Variants in CNTNAP2 observed in about 807,000 individuals in gnomAD.
CNTNAP2 encodes contactin-associated protein-like 2.
A neutral mutation model predicts 155.2 loss-of-function variants in CNTNAP2; 98 were observed. The ratio of observed to expected loss-of-function variants is 0.63; its 90% CI spans 0.54 to 0.75. The LOEUF is 0.75. Ranked by LOEUF, CNTNAP2 falls within the 30% of genes least tolerant of loss-of-function variation. The pLI, the probability that CNTNAP2 is intolerant of heterozygous loss-of-function variation, is 0.00. For missense variants in CNTNAP2, 1,727 were observed against 1,688.1 expected, an observed-to-expected ratio of 1.02 and a Z score of -0.40; for synonymous variants, 651 against 631.2, an observed-to-expected ratio of 1.03 and a Z score of -0.47.
At chr7:146,767,476 G>A (rs1802217563) in intron 1 of CNTNAP2, among the ~76,000 whole-genome samples, 1 of 152,056 alleles carries the variant, frequency 6.6e-6, no homozygotes, top group Admixed American at 6.6e-5. Context: ...AGTAATAATA[G>A]CAATGACTTC....
At chr7:147,146,094 T>G (rs533544132) in intron 8 of CNTNAP2, among the ~76,000 whole-genome samples, 2 of 152,338 alleles carry the variant, frequency 1.3e-5, no homozygotes, top group Admixed American at 1.3e-4. Context: ...ACATAACAGA[T>G]TGCCAATATT....
chr7:148,257,228 G>A (rs1385416297), intron 20 of CNTNAP2, among the ~76,000 whole-genome samples: 1 of 152,102 alleles, frequency 6.6e-6, no homozygotes, highest in African/African-American at 2.4e-5. Context: ...CTCCCAAAGA[G>A]GCAAAGGCTC....
intron 3 of CNTNAP2, among the ~76,000 whole-genome samples, chr7:147,035,819 CATAAA>C (rs1374562045): frequency 1.3e-5 from 2 of 151,686 alleles, no homozygotes; most frequent in Non-Finnish European, 2.9e-5. Context: ...TTATTCTCAT[CATAAA>C]ATAATTTGTG....
intron 7 of CNTNAP2, 68 bp from the exon 8 acceptor site, chr7:147,132,177 T>C: frequency 6.3e-7 from 1 of 1,590,290 alleles, no homozygotes; most frequent in Admixed American, 1.7e-5. Context: ...TATACTTTCA[T>C]CAGTGGTCTG....
At chr7:146,864,990 T>TAA (rs55646482) in intron 3 of CNTNAP2, among the ~76,000 whole-genome samples, 28,638 of 83,610 alleles carry the variant, frequency 0.34, 4,601 homozygotes, top group Admixed American at 0.38. Flanking sequence ...AGAGTCTATC[T>TAA]AAAAAAAAAA....
At chr7:146,134,581 T>A (rs1797769384) in intron 1 of CNTNAP2, among the ~76,000 whole-genome samples, 2 of 150,506 alleles carry the variant, frequency 1.3e-5, no homozygotes, top group South Asian at 2.1e-4. Context: ...TTGAAATATG[T>A]CCCATCAATA....
At chr7:146,374,563 G>C (rs1450052584) in intron 1 of CNTNAP2, among the ~76,000 whole-genome samples, 1 of 152,176 alleles carries the variant, frequency 6.6e-6, no homozygotes, top group Non-Finnish European at 1.5e-5. Context: ...TGATGTAGCT[G>C]AATAAGTGTG....
intron 10 of CNTNAP2, among the ~76,000 whole-genome samples, chr7:147,459,826 G>A (rs1797987009): frequency 1.3e-5 from 2 of 152,290 alleles, no homozygotes; most frequent in East Asian, 1.9e-4. Flanking sequence ...TCGGAAACTA[G>A]CATTCTGTCC....
chr7:148,370,638 C>G (rs553610066), intron 21 of CNTNAP2, among the ~76,000 whole-genome samples: 1 of 134,762 alleles, frequency 7.4e-6, no homozygotes, highest in African/African-American at 2.6e-5. Context: ...CTGGTCCCCC[C>G]CTACCCCTGC....
chr7:147,913,848 C>G (rs375435679), intron 14 of CNTNAP2, among the ~76,000 whole-genome samples: 8 of 152,112 alleles, frequency 5.3e-5, no homozygotes, highest in African/African-American at 1.9e-4. Context: ...CATTCTTTGT[C>G]CTGTCAGTGG....
intron 9 of CNTNAP2, among the ~76,000 whole-genome samples, chr7:147,305,687 A>G (rs1426763169): frequency 1.3e-5 from 2 of 152,192 alleles, no homozygotes; most frequent in African/African-American, 4.8e-5. Flanking sequence ...GGAGTGTGCA[A>G]ATTGAATCCT....
At chr7:146,160,173 T>C (rs549661524) in intron 1 of CNTNAP2, among the ~76,000 whole-genome samples, 3 of 152,138 alleles carry the variant, frequency 2.0e-5, no homozygotes, top group Non-Finnish European at 4.4e-5. Flanking sequence ...TACCAGAATC[T>C]CTGGGACACA....
chr7:146,206,467 C>A (rs534827150), intron 1 of CNTNAP2, among the ~76,000 whole-genome samples: 8 of 151,870 alleles, frequency 5.3e-5, no homozygotes, highest in African/African-American at 1.9e-4. Flanking sequence ...ATTAATCAAA[C>A]TGAAGAAAGT....
intron 8 of CNTNAP2, among the ~76,000 whole-genome samples, chr7:147,218,653 G>A (rs1328803818): frequency 2.0e-5 from 3 of 151,792 alleles, no homozygotes; most frequent in Middle Eastern, 6.8e-3. Flanking sequence ...AGAATATGAT[G>A]TGTCTTATTG....
At position 147,085,782 on chromosome 7, in the gene CNTNAP2, A is replaced by G. The variant is rs572042620; in HGVS notation, c.551-22365A>G. ...TTAGCGTGTTTCTTCCCATTATGCC[A>G]TTCTGAAATCCTTTTACAAGTTGTC... On this transcript the variant is annotated intron_variant, in intron 4 of 23. Coordinates refer to ENST00000361727, the MANE Select transcript of CNTNAP2 (RefSeq NM_014141.6). 20 of 152,300 alleles carry G rather than the reference A, an allele frequency of 1.3e-4. 1 individual carries two copies. In the South Asian group the frequency reaches 3.7e-3, roughly 28 times the overall value. The allele number at this position is 152,300 out of a possible 1,614,324, so 9.4% of individuals were successfully genotyped here.
intron 18 of CNTNAP2, among the ~76,000 whole-genome samples, chr7:148,185,180 G>A (rs751234081): frequency 6.6e-6 from 1 of 152,148 alleles, no homozygotes; most frequent in Non-Finnish European, 1.5e-5. Flanking sequence ...CAACAATCCA[G>A]CAAGACTTTA....
At chr7:146,327,738 C>A (rs187052649) in intron 1 of CNTNAP2, among the ~76,000 whole-genome samples, 2 of 151,968 alleles carry the variant, frequency 1.3e-5, no homozygotes, top group Admixed American at 6.6e-5. Flanking sequence ...ACTTTTGATA[C>A]GGAAACAAAA....
At chr7:147,996,138 G>T (rs1414591972) in intron 15 of CNTNAP2, among the ~76,000 whole-genome samples, 4 of 152,190 alleles carry the variant, frequency 2.6e-5, no homozygotes, top group Non-Finnish European at 5.9e-5. Flanking sequence ...ATGTGGATCT[G>T]CAAGCTTGGT....
intron 1 of CNTNAP2, among the ~76,000 whole-genome samples, chr7:146,146,531 T>A (rs985904408): frequency 1.1e-4 from 17 of 152,294 alleles, no homozygotes; most frequent in Non-Finnish European, 1.8e-4. Context: ...AGTTATTTAT[T>A]GCAAAGGGAT....
Sources: gnomAD v4.1 joint callset for allele counts (sites outside exome capture counted in the v4.1 genomes callset) on GRCh38, gnomAD v4.1.1 for gene constraint, MANE v1.5 for transcripts, NCBI Gene and HGNC (gene_info 2026-07-23, HGNC 2026-07-21) for gene names.